ZNF133: variants seen among roughly 807,000 people sequenced by gnomAD.
ZNF133 encodes the protein zinc finger protein 133 (clone pHZ-13).
In ZNF133, 26 loss-of-function variants were observed where a neutral mutation model predicts 54.9. The observed-to-expected ratio is 0.47, with a 90% CI of 0.35 to 0.66. The LOEUF (loss-of-function observed/expected upper bound fraction) is 0.66. Among genes scored for constraint, ZNF133 ranks in the 30% least tolerant of loss-of-function variants. The pLI, the probability that ZNF133 is intolerant of heterozygous loss-of-function variation, is 0.01. For missense variants in ZNF133, 653 were observed against 820.8 expected (o/e 0.80, Z 2.50); for synonymous variants, 298 against 320.3 (o/e 0.93, Z 0.74).
At chr20:18,312,291 C>A (rs2147780606) in intron 6 of ZNF133, among the ~76,000 whole-genome samples, 1 of 152,252 alleles carries the variant, frequency 6.6e-6, no homozygotes, top group South Asian at 2.1e-4. Flanking sequence ...TGGAACTTTG[C>A]AGATTAGGGA....
At chr20:18,306,487 C>A in intron 6 of ZNF133, 94 bp downstream of exon 6, 1 of 1,265,562 alleles carries the variant, frequency 7.9e-7, no homozygotes. Context: ...GGGAGGGAAG[C>A]TGTTCCCCTG....
At chr20:18,308,401 A>C (rs1228723695) in intron 6 of ZNF133, among the ~76,000 whole-genome samples, 2 of 152,200 alleles carry the variant, frequency 1.3e-5, no homozygotes, top group African/African-American at 4.8e-5. Context: ...ATCTGTTAGA[A>C]GGAATCCTAA....
chr20:18,306,224 C>A, intron 5 of ZNF133, 74 bp from the exon 6 acceptor site: 2 of 1,417,474 alleles, frequency 1.4e-6, no homozygotes, highest in Non-Finnish European at 1.9e-6. Context: ...GTTTCCTAGG[C>A]TGTTTAGCTT....
chr20:18,309,576 T>A (rs188006110), intron 6 of ZNF133, among the ~76,000 whole-genome samples: 1 of 152,168 alleles, frequency 6.6e-6, no homozygotes. Flanking sequence ...GCATTCACAG[T>A]GCAGGTGAGG....
chr20:18,316,913 A>G lies in ZNF133; in HGVS notation c.*97A>G, dbSNP rs1438713234. On this transcript the variant is annotated 3_prime_UTR_variant, in exon 7 of 7. Coordinates refer to ENST00000425686, the MANE Select transcript of ZNF133 (RefSeq NM_001352452.2). Reference sequence around the variant, plus strand: ...TCTGTAAGTGGTCAAAGGACATTTGACTGTTTACTTTCTCCACACTAAGTC... The same window carrying G: ...TCTGTAAGTGGTCAAAGGACATTTGGCTGTTTACTTTCTCCACACTAAGTC... The G allele has an allele frequency of 7.1e-7, 1 of 1,405,786 alleles. No homozygotes were observed. The highest frequency in any genetic ancestry group is 9.5e-7 in the Non-Finnish European group (1 of 1,054,302). 87.1% of individuals were successfully genotyped at this position (1,405,786 alleles called of 1,614,324 possible). A position where few individuals can be genotyped will look rare whatever the true frequency, so the allele number is the denominator to read the frequency against.
At chr20:18,301,075 A>G (rs762794858) in intron 3 of ZNF133, among the ~76,000 whole-genome samples, 1 of 152,190 alleles carries the variant, frequency 6.6e-6, no homozygotes, top group African/African-American at 2.4e-5. Flanking sequence ...GACTGATATC[A>G]TAAGAAGTAT....
Position 18,316,933 on chromosome 20 carries a change from TAA to T in ZNF133, c.*118_*119del, listed in dbSNP as rs2047647116. 1.6e-6 allele frequency: 2 copies of T among 1,275,756 alleles called. No homozygotes were observed. The highest frequency in any genetic ancestry group is 3.0e-5 in the African/African-American group (2 of 66,916). The allele number at this position is 1,275,756 out of a possible 1,614,324, so 79.0% of individuals were successfully genotyped here. ...ATTTGACTGTTTACTTTCTCCACACTAAGTCTTCTCCATGTTTTGTGGCCTTC... is the reference window on the plus strand; with the variant it reads ...ATTTGACTGTTTACTTTCTCCACACTGTCTTCTCCATGTTTTGTGGCCTTC... On this transcript the variant is annotated 3_prime_UTR_variant, in exon 7 of 7. Coordinates refer to ENST00000425686, the MANE Select transcript of ZNF133 (RefSeq NM_001352452.2).
intron 3 of ZNF133, among the ~76,000 whole-genome samples, chr20:18,304,726 C>T (rs558968536): frequency 6.6e-5 from 10 of 152,096 alleles, no homozygotes; most frequent in Non-Finnish European, 1.5e-4. Context: ...CAGGATCTAG[C>T]GGGAGGAAAG....
intron 3 of ZNF133, among the ~76,000 whole-genome samples, chr20:18,300,596 A>C (rs1403664793): frequency 6.6e-6 from 1 of 152,172 alleles, no homozygotes; most frequent in Non-Finnish European, 1.5e-5. Context: ...TTTATATCCA[A>C]AGGCACAAAT....
At chr20:18,314,523 T>C (rs2046962315) in intron 6 of ZNF133, 1 of 152,254 alleles carries the variant, frequency 6.6e-6, no homozygotes, top group South Asian at 2.1e-4. Flanking sequence ...AACAAATCTT[T>C]GTTGAGTGGG....
rs201044226 is a variant in ZNF133 at position 18,292,971 on chromosome 20, C to G, written c.-432+4367C>G. Among the ~76,000 whole-genome samples the G allele has an allele frequency of 3.3e-5, 5 of 152,174 alleles. No homozygotes were observed. The East Asian group carries it at 7.7e-4, about 23-fold the overall frequency. On this transcript the variant is annotated intron_variant, in intron 1 of 6. Transcript: ENST00000425686. ...TGAGAGAGTTGGCAGAGGTGGAATC[C>G]ATTTGCCTTGATAATTGGTTTGATA...
At chr20:18,314,982 G>A (rs1238524604) in intron 6 of ZNF133, 87 bp from the exon 7 acceptor site, 1 of 1,390,040 alleles carries the variant, frequency 7.2e-7, no homozygotes, top group Non-Finnish European at 9.6e-7. Flanking sequence ...AGGCCTAAGT[G>A]TTTTGAAGCC....
At position 18,316,551 on chromosome 20, in the gene ZNF133, C is replaced by T. The variant is rs766551110; in HGVS notation, c.1700C>T (p.Thr567Ile). The stretch of plus-strand genomic sequence containing the variant: ...TTTGGCAATAAGTCAGCTCTAATTA[C>T]ACACAAGCGGGCTCACTCGGAAGAG... ...LGFGNKSALI[T>I]HKRAHSEEKP... The change falls in exon 7 of 7, where the codon ACA becomes ATA. Residue 567 changes from threonine to isoleucine, a missense_variant. By Grantham distance (89) the Thr-to-Ile change is moderately conservative (BLOSUM62 -1). Around this residue, in one of 4 missense-constraint regions of ZNF133, gnomAD observed 129 missense variants for 138.5 expected, o/e 0.93. Coordinates refer to ENST00000425686, the MANE Select transcript of ZNF133 (RefSeq NM_001352452.2). The T allele has an allele frequency of 2.5e-6, 4 of 1,614,020 alleles. No individual in the cohort carries two copies. Among genetic ancestry groups the T allele is most frequent in the South Asian group, 2.2e-5 (2 of 91,070 alleles).
intron 3 of ZNF133, among the ~76,000 whole-genome samples, chr20:18,301,924 CATT>C (rs2043434287): frequency 2.0e-5 from 3 of 152,120 alleles, no homozygotes; most frequent in Non-Finnish European, 2.9e-5. Context: ...GTGAGGCCAG[CATT>C]ACTCTGATAC....
chr20:18,302,770 T>C (rs931120279), intron 3 of ZNF133, among the ~76,000 whole-genome samples: 2 of 152,236 alleles, frequency 1.3e-5, no homozygotes, highest in Non-Finnish European at 2.9e-5. Context: ...TGGCGTGATC[T>C]TAAATGTGGA....
intron 2 of ZNF133, 77 bp from the exon 3 acceptor site, chr20:18,298,212 G>C (rs2042629103): frequency 6.7e-7 from 1 of 1,498,324 alleles, no homozygotes; most frequent in Non-Finnish European, 8.9e-7. Flanking sequence ...CAAAACCCAT[G>C]ACACAGTTAT....
chr20:18,306,255 T>G (rs891795861), intron 5 of ZNF133, 43 bp from the exon 6 acceptor site: 28 of 1,552,044 alleles, frequency 1.8e-5, no homozygotes, highest in Non-Finnish European at 2.4e-5. Flanking sequence ...AATGGGCTCT[T>G]GAGCCCATAA....
chr20:18,291,486 C>T (rs1303811212), intron 1 of ZNF133, among the ~76,000 whole-genome samples: 1 of 152,154 alleles, frequency 6.6e-6, no homozygotes, highest in Admixed American at 6.5e-5. Flanking sequence ...CCTGCTCCTC[C>T]TCTGTCTCCT....
At position 18,315,304 on chromosome 20, in the gene ZNF133, C is replaced by T; in HGVS notation, c.453C>T (p.Ala151=). ...DQAEGPEGEG[A]MPLFGRTKKR... ...CAGAAGGTCCTGAGGGAGAAGGTGC[C>T]ATGCCTTTGTTTGGAAGAACCAAGA... The change falls in exon 7 of 7, where the codon GCC becomes GCT. Residue 151 remains alanine, a synonymous_variant. Transcript: ENST00000425686. The T allele has an allele frequency of 6.2e-7, 1 of 1,614,102 alleles. No homozygotes were observed. Among genetic ancestry groups the T allele is most frequent in the African/African-American group, 1.3e-5 (1 of 75,000 alleles).
Sources: allele counts gnomAD v4.1 joint callset (sites outside exome capture counted in the v4.1 genomes callset), GRCh38; gene constraint gnomAD v4.1.1; regional missense constraint gnomAD v4.1.1; transcripts MANE v1.5; gene names NCBI Gene and HGNC (gene_info 2026-07-23, HGNC 2026-07-21).